Variants in SAAL1 observed in about 807,000 individuals in gnomAD.
The protein encoded by SAAL1 is serum amyloid A like 1.
A neutral mutation model predicts 59.8 loss-of-function variants in SAAL1; 42 were observed. The ratio of observed to expected loss-of-function variants is 0.70; its 90% CI spans 0.55 to 0.91. The LOEUF (loss-of-function observed/expected upper bound fraction) is 0.91. Among genes scored for constraint, SAAL1 ranks in the 40% least tolerant of loss-of-function variants. The probability of loss-of-function intolerance (pLI) is 0.00; values close to 1 mark genes in which losing one functional copy is unlikely to be tolerated. For missense variants in SAAL1, 542 were observed against 561.1 expected (o/e 0.97, Z 0.34); for synonymous variants, 191 against 194.3 (o/e 0.98, Z 0.14).
chr11:18,102,397 C>CAAA (rs1229550097), intron 2 of SAAL1, among the ~76,000 whole-genome samples: 1 of 97,872 alleles, frequency 1.0e-5, no homozygotes. Context: ...GACTCCATCT[C>CAAA]AAAAAAAAAA....
At position 18,105,908 on chromosome 11, in the gene SAAL1, T is replaced by A; in HGVS notation, c.134A>T (p.Gln45Leu). 6.3e-7 allele frequency: 1 copy of A among 1,599,380 alleles called. No homozygotes were observed. The highest frequency in any genetic ancestry group is 8.5e-7 in the Non-Finnish European group (1 of 1,173,690). ...CACGCGTGGCGCGAGTTTCCACACC[T>A]GGATGAGTCCGCTGAGGACGCCGAA... is the stretch of plus-strand genomic sequence containing the variant. Reference protein sequence around the residue: ...WLFGVLSGLIQIVSPENTKSS... With the variant: ...WLFGVLSGLILIVSPENTKSS... Residue 45 changes from glutamine to leucine, a missense_variant and splice_region_variant, in exon 1 of 12, where the codon CAG becomes CTG. Coordinates refer to ENST00000524803, the MANE Select transcript of SAAL1 (RefSeq NM_138421.3).
rs777407274 is a variant in SAAL1, at chr11:18,090,481, C to T, written c.426G>A (p.Leu142=). The change falls in exon 5 of 12, where the codon TTG becomes TTA. Residue 142 remains leucine, a synonymous_variant. Coordinates refer to ENST00000524803, the MANE Select transcript of SAAL1 (RefSeq NM_138421.3). The part of the protein sequence containing the change: ...SSDKNLGQVL[L]HCLYDSDPPT... ...GTGGGTCTGAATCATACAAACAGTG[C>T]AATAACACCTGCCTACAAAAACAAA... The T allele has an allele frequency of 2.9e-5, 46 of 1,606,430 alleles. No individual in the cohort carries two copies. Among genetic ancestry groups the T allele is most frequent in the Non-Finnish European group, 3.5e-5 (41 of 1,177,932 alleles).
At position 18,090,169 on chromosome 11, in the gene SAAL1, A is replaced by G; in HGVS notation, c.589+6T>C. On this transcript the variant is annotated splice_donor_region_variant and intron_variant, in intron 6 of 11. Transcript: ENST00000524803. ...CATTTTTTTTCTAGAGTACATGATG[A>G]CTTACCATTTGTTGAACTTGACATA... 6.3e-7 allele frequency: 1 copy of G among 1,582,380 alleles called. No individual in the cohort carries two copies. Among genetic ancestry groups the G allele is most frequent in the South Asian group, 1.2e-5 (1 of 85,110 alleles).
At chr11:18,103,612 A>T (rs1389270169) in intron 1 of SAAL1, among the ~76,000 whole-genome samples, 1 of 152,082 alleles carries the variant, frequency 6.6e-6, no homozygotes, top group African/African-American at 2.4e-5. Context: ...AATCTGAGTG[A>T]GTGTGGGTGT....
At position 18,089,730 on chromosome 11, in the gene SAAL1, C is replaced by A. The variant is rs987250671; in HGVS notation, c.590-220G>T. Reference sequence around the variant, plus strand: ...CCCAGGAGTTTAAGAAATTTTGTATCTTCAATCAAAAAACTTTCTCAAAAA... The same window carrying A: ...CCCAGGAGTTTAAGAAATTTTGTATATTCAATCAAAAAACTTTCTCAAAAA... On this transcript the variant is annotated intron_variant, in intron 6 of 11. Transcript: ENST00000524803. Among the ~76,000 whole-genome samples, 15 of 152,028 alleles carry A rather than the reference C, an allele frequency of 9.9e-5. 1 individual carries two copies. Among genetic ancestry groups the A allele is most frequent in the Admixed American group, 9.8e-4 (15 of 15,256 alleles).
Position 18,086,944 on chromosome 11 carries a change from C to G in SAAL1, c.964G>C (p.Val322Leu), listed in dbSNP as rs939266767. The change falls in exon 9 of 12, where the codon GTG becomes CTG. Residue 322 changes from valine to leucine, a missense_variant. Transcript: ENST00000524803. ...AACACTGAAAAAACAGAGGCTAGCACTGTTTTCTGTTCTTGAAGAATGATG... is the reference window on the plus strand; with the variant it reads ...AACACTGAAAAAACAGAGGCTAGCAGTGTTTTCTGTTCTTGAAGAATGATG... ...PPIILQEQKT[V>L]LASVFSVLSA... 2.5e-5 allele frequency: 41 copies of G among 1,613,946 alleles called. No homozygotes were observed. The highest frequency in any genetic ancestry group is 4.0e-5 in the African/African-American group (3 of 74,920).
At chr11:18,103,441 G>C (rs117659893) in intron 1 of SAAL1, 95 bp from the exon 2 acceptor site, 20 of 958,558 alleles carry the variant, frequency 2.1e-5, no homozygotes, top group African/African-American at 8.1e-5. Context: ...ACATTTCCTC[G>C]TAACGCTGAT....
chr11:18,101,449 C>CGAAAGGT (rs2134065713), intron 2 of SAAL1, among the ~76,000 whole-genome samples: 1 of 152,192 alleles, frequency 6.6e-6, no homozygotes, highest in African/African-American at 2.4e-5. Flanking sequence ...GTTTTATAAG[C>CGAAAGGT]GTCTGGCATT....
intron 9 of SAAL1, 60 bp downstream of exon 9, chr11:18,086,806 T>A: frequency 8.3e-7 from 1 of 1,201,580 alleles, no homozygotes; most frequent in South Asian, 2.9e-5. Context: ...TGAAAGCATT[T>A]TTTAAAAGGG....
chr11:18,088,434 C>T (rs576327931), intron 7 of SAAL1, among the ~76,000 whole-genome samples: 3 of 152,138 alleles, frequency 2.0e-5, no homozygotes, highest in African/African-American at 4.8e-5. Context: ...AAGACCGAAG[C>T]ATGAGAGTGA....
At chr11:18,084,827 G>T (rs990008005) in intron 9 of SAAL1, among the ~76,000 whole-genome samples, 1 of 152,198 alleles carries the variant, frequency 6.6e-6, no homozygotes, top group Non-Finnish European at 1.5e-5. Flanking sequence ...GTACAATGGC[G>T]TGATTTCAGC....
chr11:18,087,606 G>C (rs113471758), intron 7 of SAAL1, among the ~76,000 whole-genome samples: 94 of 152,264 alleles, frequency 6.2e-4, no homozygotes, highest in African/African-American at 2.2e-3. Flanking sequence ...GCTGCATCAC[G>C]CATCAACAAT....
intron 4 of SAAL1, 104 bp from the exon 5 acceptor site, chr11:18,090,597 T>C (rs1848514210): frequency 3.2e-6 from 4 of 1,265,422 alleles, no homozygotes; most frequent in Non-Finnish European, 4.3e-6. Flanking sequence ...ATACAGCATA[T>C]ATTCAGAAAA....
intron 2 of SAAL1, among the ~76,000 whole-genome samples, chr11:18,097,163 G>A (rs1299038072): frequency 6.6e-6 from 1 of 152,006 alleles, no homozygotes; most frequent in African/African-American, 2.4e-5. Context: ...CTAGAACCCG[G>A]GAGGCAGAGG....
chr11:18,105,384 G>A (rs1341228319), intron 1 of SAAL1, among the ~76,000 whole-genome samples: 1 of 148,890 alleles, frequency 6.7e-6, no homozygotes, highest in Non-Finnish European at 1.5e-5. Flanking sequence ...ATGTTGCCCA[G>A]GCTGGTCTCA....
chr11:18,082,424 T>C (rs1287262543), intron 10 of SAAL1, among the ~76,000 whole-genome samples: 1 of 151,204 alleles, frequency 6.6e-6, no homozygotes, highest in South Asian at 2.1e-4. Context: ...AAGCGTCAAG[T>C]AAAACCAACA....
intron 2 of SAAL1, among the ~76,000 whole-genome samples, chr11:18,099,209 C>T (rs1371046045): frequency 6.6e-6 from 1 of 152,216 alleles, no homozygotes; most frequent in African/African-American, 2.4e-5. Flanking sequence ...CCTCCAACTA[C>T]TGGGCTCAAG....
intron 3 of SAAL1, among the ~76,000 whole-genome samples, chr11:18,094,283 A>G (rs1848551015): frequency 6.6e-6 from 1 of 152,170 alleles, no homozygotes; most frequent in African/African-American, 2.4e-5. Context: ...GATTTTTTCT[A>G]ACCAAACTTG....
intron 3 of SAAL1, chr11:18,094,050 G>A (rs552629053): frequency 6.6e-6 from 1 of 152,240 alleles, no homozygotes; most frequent in South Asian, 2.1e-4. Flanking sequence ...AATCACTCAG[G>A]GAGCTTGTTA....
Sources: gnomAD v4.1 joint callset for allele counts (sites outside exome capture counted in the v4.1 genomes callset) on GRCh38, gnomAD v4.1.1 for gene constraint, MANE v1.5 for transcripts, NCBI Gene and HGNC (gene_info 2026-07-23, HGNC 2026-07-21) for gene names.